NUP98: variants seen among roughly 807,000 people sequenced by gnomAD.
NUP98 encodes the protein nuclear pore complex protein Nup98-Nup96.
In NUP98, 26 loss-of-function variants were observed where a neutral mutation model predicts 191.9. The ratio of observed to expected loss-of-function variants is 0.14; its 90% confidence interval spans 0.10 to 0.19. NUP98 has a LOEUF of 0.19. NUP98 is among the 10% of genes least tolerant of loss of function. The pLI is 1.00. For missense variants in NUP98, 1,941 were observed against 2,178.8 expected, an observed-to-expected ratio of 0.89 and a Z score of 2.17; for synonymous variants, 808 against 778.4, an observed-to-expected ratio of 1.04 and a Z score of -0.63.
intron 1 of NUP98, among the ~76,000 whole-genome samples, chr11:3,796,603 A>G (rs575610965): frequency 6.6e-6 from 1 of 152,216 alleles, no homozygotes; most frequent in Non-Finnish European, 1.5e-5. Flanking sequence ...TTAGCTACCT[A>G]ATGTCCATGC....
At chr11:3,743,103 C>T (rs972933462) in intron 12 of NUP98, among the ~76,000 whole-genome samples, 7 of 151,952 alleles carry the variant, frequency 4.6e-5, no homozygotes, top group Non-Finnish European at 1.0e-4. Flanking sequence ...ACTGTAACCT[C>T]CACCTACCGG....
rs572153167 is a variant in NUP98, at chr11:3,690,662, T to C, written c.4454+685A>G. On this transcript the variant is annotated intron_variant, in intron 28 of 32. Transcript: ENST00000324932. ...ATGGTAAAATTTAAACAACTAATAA[T>C]ACCAAATTTTAAAGAGGATTTGGAG... is the stretch of plus-strand genomic sequence containing the variant. Among the ~76,000 whole-genome samples the C allele has an allele frequency of 2.6e-5, 4 of 152,196 alleles. No individual in the cohort carries two copies. In the East Asian group the frequency reaches 7.7e-4, roughly 29 times the overall value.
In NUP98 at chr11:3,702,760, G is replaced by A. The variant is rs762832800; in HGVS notation, c.3215C>T (p.Pro1072Leu). The part of the protein sequence containing the change: ...IPSTSSWSVP[P>L]PLTSVFTMPS... ...CATTGTGAACACAGAAGTCAGGGGT[G>A]GAGGGACAGACCAAGAGGATGTGGA... is the stretch of plus-strand genomic sequence containing the variant. Residue 1072 changes from proline to leucine, a missense_variant, in exon 23 of 33, where the codon CCA (proline) becomes CTA (leucine). Coordinates refer to ENST00000324932, the MANE Select transcript of NUP98 (RefSeq NM_016320.5). 6.2e-7 allele frequency: 1 copy of A among 1,614,148 alleles called. No individual in the cohort carries two copies. The highest frequency in any genetic ancestry group is 8.5e-7 in the Non-Finnish European group (1 of 1,180,032).
chr11:3,720,129 C>T (rs2079336454), intron 17 of NUP98, among the ~76,000 whole-genome samples: 1 of 152,132 alleles, frequency 6.6e-6, no homozygotes. Context: ...TCCCATTTAT[C>T]TATAATGACG....
chr11:3,735,937 CA>C, intron 12 of NUP98, among the ~76,000 whole-genome samples: 1 of 152,006 alleles, frequency 6.6e-6, no homozygotes, highest in South Asian at 2.1e-4. Flanking sequence ...CACACACACA[CA>C]CACACCCAGG....
intron 31 of NUP98, among the ~76,000 whole-genome samples, chr11:3,676,963 G>A (rs1477835676): frequency 6.6e-6 from 1 of 152,178 alleles, no homozygotes; most frequent in Non-Finnish European, 1.5e-5. Context: ...AGTAAAAAAT[G>A]CAGCCAGAAC....
At chr11:3,692,394 G>A (rs1445308660) in intron 27 of NUP98, among the ~76,000 whole-genome samples, 1 of 151,592 alleles carries the variant, frequency 6.6e-6, no homozygotes, top group Non-Finnish European at 1.5e-5. Context: ...TAGGGAGGCC[G>A]AGGCAGGCAG....
At chr11:3,797,320 G>A (rs1050686179) in intron 1 of NUP98, 80 bp downstream of exon 1, 8 of 400,474 alleles carry the variant, frequency 2.0e-5, no homozygotes, top group African/African-American at 2.1e-5. Flanking sequence ...GAGGCCCTGA[G>A]ACGCCCCGCG....
At chr11:3,688,870 AATGAG>A (rs1390587041) in intron 28 of NUP98, among the ~76,000 whole-genome samples, 1 of 145,704 alleles carries the variant, frequency 6.9e-6, no homozygotes, top group Non-Finnish European at 1.5e-5. Flanking sequence ...GAAGATTTGA[AATGAG>A]ATGAGCTATT....
chr11:3,792,421 G>A (rs981783433), intron 1 of NUP98, among the ~76,000 whole-genome samples: 2 of 151,982 alleles, frequency 1.3e-5, no homozygotes, highest in Admixed American at 6.6e-5. Flanking sequence ...ACCAGCCATG[G>A]TCAACATGTT....
chr11:3,763,697 C>T (rs1259435869), intron 8 of NUP98, among the ~76,000 whole-genome samples: 2 of 152,000 alleles, frequency 1.3e-5, no homozygotes, highest in African/African-American at 2.4e-5. Flanking sequence ...TACAAGGGCA[C>T]GCCACCAGGC....
At chr11:3,726,620 T>G (rs968897115) in intron 14 of NUP98, among the ~76,000 whole-genome samples, 2 of 150,444 alleles carry the variant, frequency 1.3e-5, no homozygotes, top group South Asian at 4.2e-4. Flanking sequence ...TACAAAAATA[T>G]AACATCAAAA....
At chr11:3,678,898 G>T (rs536085801) in intron 31 of NUP98, among the ~76,000 whole-genome samples, 1 of 152,200 alleles carries the variant, frequency 6.6e-6, no homozygotes, top group East Asian at 1.9e-4. Context: ...AAGGTGGGCC[G>T]ATCACTTGAG....
chr11:3,756,869 C>T (rs1021261171), intron 10 of NUP98, among the ~76,000 whole-genome samples: 17 of 151,178 alleles, frequency 1.1e-4, no homozygotes, highest in African/African-American at 3.4e-4. Flanking sequence ...GAGCGGATCA[C>T]GAGGTCAGGA....
Position 3,720,724 on chromosome 11 carries a change from T to C in NUP98, c.2248A>G (p.Ile750Val), listed in dbSNP as rs745365468. ...AACTCACACTTACCTTTCCGACCAA[T>C]AGTGAAATCAGAGACAATGCACTCT... is the stretch of plus-strand genomic sequence containing the variant. The part of the protein sequence containing the change: ...KGECIVSDFT[I>V]GRKGYGSIYF... Residue 750 changes from isoleucine to valine, a missense_variant, in exon 17 of 33, where the codon ATT becomes GTT. Ile to Val is a conservative substitution (Grantham distance 29, BLOSUM62 3). This residue lies in a region of NUP98 where 453 missense variants were observed against 438.2 expected (regional missense o/e 1.03). Transcript: ENST00000324932. 5.7e-6 allele frequency: 9 copies of C among 1,572,416 alleles called. No individual in the cohort carries two copies. The highest frequency in any genetic ancestry group is 1.1e-5 in the South Asian group (1 of 89,622).
chr11:3,786,103 G>A (rs146962927), intron 1 of NUP98, among the ~76,000 whole-genome samples: 176 of 152,334 alleles, frequency 1.2e-3, no homozygotes, highest in Non-Finnish European at 2.1e-3. Context: ...TTACAAGGAA[G>A]AAATTAAGGC....
intron 6 of NUP98, 109 bp from the exon 7 acceptor site, chr11:3,772,037 C>A (rs1451208858): frequency 4.2e-5 from 37 of 884,216 alleles, no homozygotes; most frequent in Non-Finnish European, 6.1e-5. Flanking sequence ...ACATAGGAAC[C>A]ATAACTAAAA....
At position 3,703,700 on chromosome 11, in the gene NUP98, T is replaced by TA. The variant is rs760936149; in HGVS notation, c.3083-809dup. ...AAAGGTAACGATTTCTTAGCACATA[T>TA]AAAAGTAAGATCAAAACTCAAATTC... On this transcript the variant is annotated intron_variant, in intron 22 of 32. Coordinates refer to ENST00000324932, the MANE Select transcript of NUP98 (RefSeq NM_016320.5). Among the ~76,000 whole-genome samples the TA allele has an allele frequency of 1.1e-3, 174 of 152,182 alleles. 1 individual carries two copies. Among genetic ancestry groups the TA allele is most frequent in the Non-Finnish European group, 4.6e-4 (31 of 68,022 alleles).
intron 13 of NUP98, 129 bp downstream of exon 13, chr11:3,735,062 A>G: frequency 2.4e-6 from 2 of 837,090 alleles, no homozygotes. Context: ...GAGTGAAATA[A>G]TATCTTAAAA....
Sources: allele counts gnomAD v4.1 joint callset (sites outside exome capture counted in the v4.1 genomes callset), GRCh38; gene constraint gnomAD v4.1.1; regional missense constraint gnomAD v4.1.1; transcripts MANE v1.5; gene names NCBI Gene and HGNC (gene_info 2026-07-23, HGNC 2026-07-21).